The following TRPS1 variants were observed in gnomAD, a reference collection of about 807,000 sequenced individuals.
The protein encoded by TRPS1 is zinc finger transcription factor Trps1.
Under a neutral mutation model 101.2 loss-of-function variants are expected in TRPS1, and 6 were observed. The ratio of observed to expected loss-of-function variants is 0.06; its 90% confidence interval spans 0.03 to 0.12. TRPS1 has a LOEUF of 0.12. Among genes scored for constraint, TRPS1 ranks in the 10% least tolerant of loss-of-function variants. The pLI is 1.00. For missense variants in TRPS1, 1,363 were observed against 1,567.0 expected (o/e 0.87, Z 2.20); for synonymous variants, 578 against 589.8 (o/e 0.98, Z 0.29).
At chr8:115,653,728 G>C (rs1202780849) in intron 1 of TRPS1, among the ~76,000 whole-genome samples, 2 of 152,124 alleles carry the variant, frequency 1.3e-5, no homozygotes, top group Admixed American at 1.3e-4. Flanking sequence ...AGACAGAGCG[G>C]AAAATCCATG....
chr8:115,615,422 T>C (rs1818255656), intron 3 of TRPS1, among the ~76,000 whole-genome samples: 1 of 152,222 alleles, frequency 6.6e-6, no homozygotes, highest in Non-Finnish European at 1.5e-5. Flanking sequence ...GCGTTGTTAA[T>C]GCAGGCCTCC....
intron 5 of TRPS1, among the ~76,000 whole-genome samples, chr8:115,521,808 C>T (rs1815869551): frequency 6.6e-6 from 1 of 151,768 alleles, no homozygotes; most frequent in South Asian, 2.1e-4. Context: ...AATATTCAAA[C>T]TACTATGACA....
chr8:115,512,303 C>T (rs1225730380), intron 5 of TRPS1, among the ~76,000 whole-genome samples: 2 of 151,628 alleles, frequency 1.3e-5, no homozygotes, highest in Admixed American at 6.6e-5. Context: ...AAAAAATCTG[C>T]ATTCCTTAGG....
chr8:115,459,308 A>C (rs1024684270), intron 5 of TRPS1, among the ~76,000 whole-genome samples: 2 of 148,912 alleles, frequency 1.3e-5, no homozygotes, highest in Non-Finnish European at 3.0e-5. Flanking sequence ...CAGGCAACAG[A>C]GCAAGACTCT....
In TRPS1 at chr8:115,529,629, AC is replaced by A. The variant is rs968696851; in HGVS notation, c.2700+57371del. 3.2e-4 allele frequency among the ~76,000 whole-genome samples: 49 copies of A among 152,264 alleles called. 1 individual carries two copies. In the South Asian group the frequency reaches 9.9e-3, roughly 31 times the overall value. The stretch of plus-strand genomic sequence containing the variant: ...ACAGAAAATTCCACACCCATTTTGC[AC>A]CCCATTCATATGCATGAGACTGGAG... On this transcript the variant is annotated intron_variant, in intron 5 of 6. Transcript: ENST00000395715.
intron 5 of TRPS1, among the ~76,000 whole-genome samples, chr8:115,437,050 C>T (rs1813473743): frequency 6.6e-6 from 1 of 152,106 alleles, no homozygotes; most frequent in Non-Finnish European, 1.5e-5. Flanking sequence ...GTACTGCTGA[C>T]CACATTTGAG....
chr8:115,500,783 C>T (rs1815298028), intron 5 of TRPS1, among the ~76,000 whole-genome samples: 1 of 152,130 alleles, frequency 6.6e-6, no homozygotes, highest in Non-Finnish European at 1.5e-5. Flanking sequence ...ACCGTGTTAG[C>T]CAGATGGTCT....
At chr8:115,545,508 T>A (rs760051794) in intron 5 of TRPS1, among the ~76,000 whole-genome samples, 5 of 152,182 alleles carry the variant, frequency 3.3e-5, no homozygotes, top group African/African-American at 4.8e-5. Flanking sequence ...ACAACTTAAC[T>A]TAAAGAGCAG....
chr8:115,479,795 G>A (rs908332685), intron 5 of TRPS1, among the ~76,000 whole-genome samples: 10 of 152,188 alleles, frequency 6.6e-5, no homozygotes, highest in Admixed American at 4.6e-4. Flanking sequence ...AATAAATAAA[G>A]CCAGAATGAT....
intron 5 of TRPS1, among the ~76,000 whole-genome samples, chr8:115,469,349 A>G (rs1417227595): frequency 1.3e-5 from 2 of 152,232 alleles, no homozygotes; most frequent in Non-Finnish European, 2.9e-5. Flanking sequence ...ACTGGTGCTA[A>G]GAAGACAGAA....
At chr8:115,585,843 C>G (rs983365849) in intron 5 of TRPS1, among the ~76,000 whole-genome samples, 7 of 152,162 alleles carry the variant, frequency 4.6e-5, no homozygotes, top group Non-Finnish European at 1.0e-4. Flanking sequence ...CAGGGCATGA[C>G]TACAGATGGG....
At chr8:115,548,995 C>T (rs985499959) in intron 5 of TRPS1, among the ~76,000 whole-genome samples, 4 of 152,146 alleles carry the variant, frequency 2.6e-5, no homozygotes, top group Non-Finnish European at 5.9e-5. Flanking sequence ...TGTATTAATA[C>T]TGATTACACT....
intron 5 of TRPS1, among the ~76,000 whole-genome samples, chr8:115,465,505 A>T (rs1203454997): frequency 6.6e-6 from 1 of 152,098 alleles, no homozygotes; most frequent in Non-Finnish European, 1.5e-5. Context: ...AAATTTATAT[A>T]AAAAATAAGT....
chr8:115,575,627 T>TA (rs1487927095), intron 5 of TRPS1, among the ~76,000 whole-genome samples: 1 of 152,074 alleles, frequency 6.6e-6, no homozygotes. Context: ...ACTTAATCCC[T>TA]AGCCTCACCC....
At chr8:115,432,672 A>G (rs1013341115) in intron 5 of TRPS1, among the ~76,000 whole-genome samples, 3 of 151,918 alleles carry the variant, frequency 2.0e-5, no homozygotes, top group Admixed American at 1.3e-4. Flanking sequence ...GAAGTAGAAA[A>G]TCACCATTAG....
intron 1 of TRPS1, among the ~76,000 whole-genome samples, chr8:115,667,651 G>C (rs909494914): frequency 6.6e-6 from 1 of 152,324 alleles, no homozygotes; most frequent in Non-Finnish European, 1.5e-5. Flanking sequence ...GGCACAGACC[G>C]CTCGGCCAAG....
At chr8:115,543,020 A>T (rs1329751728) in intron 5 of TRPS1, among the ~76,000 whole-genome samples, 2 of 152,162 alleles carry the variant, frequency 1.3e-5, no homozygotes, top group African/African-American at 4.8e-5. Flanking sequence ...CTTAACCTTG[A>T]CATAAACGAT....
chr8:115,661,107 A>T (rs1198243653), intron 1 of TRPS1, among the ~76,000 whole-genome samples: 1 of 152,090 alleles, frequency 6.6e-6, no homozygotes, highest in African/African-American at 2.4e-5. Context: ...AATGAGACTT[A>T]AAAAATGATC....
chr8:115,536,522 C>CAAAAAAAAA (rs752895683), intron 5 of TRPS1, among the ~76,000 whole-genome samples: 3 of 102,908 alleles, frequency 2.9e-5, no homozygotes, highest in African/African-American at 1.1e-4. Flanking sequence ...GACTCCGTCT[C>CAAAAAAAAA]AAAAAAAAAA....
Sources: allele counts gnomAD v4.1 joint callset (sites outside exome capture counted in the v4.1 genomes callset), GRCh38; gene constraint gnomAD v4.1.1; transcripts MANE v1.5; gene names NCBI Gene and HGNC (gene_info 2026-07-23, HGNC 2026-07-21).